Variants in GRIA3 observed in about 807,000 individuals in gnomAD.
GRIA3 encodes the protein glutamate ionotropic receptor AMPA type subunit 3.
A neutral mutation model predicts 63.0 loss-of-function variants in GRIA3; 3 were observed. The observed-to-expected ratio is 0.05, with a 90% CI of 0.02 to 0.12. The LOEUF is 0.12. Ranked by LOEUF, GRIA3 falls within the 10% of genes least tolerant of loss-of-function variation. The probability of loss-of-function intolerance (pLI) is 1.00; values close to 1 mark genes in which losing one functional copy is unlikely to be tolerated. For missense variants in GRIA3, 347 were observed against 700.9 expected, an observed-to-expected ratio of 0.50 and a Z score of 5.70; for synonymous variants, 274 against 257.9, an observed-to-expected ratio of 1.06 and a Z score of -0.60.
chrX:123,341,209 A>G (rs2147342117), intron 4 of GRIA3, among the ~76,000 whole-genome samples: 1 of 111,978 alleles, frequency 8.9e-6, no homozygotes, highest in Admixed American at 9.5e-5. Context: ...ATCAGAATAC[A>G]ATTTCCTTTA....
At chrX:123,250,087 GTAATAATAAA>G (rs1349169707) in intron 2 of GRIA3, among the ~76,000 whole-genome samples, 1 of 111,189 alleles carries the variant, frequency 9.0e-6, no homozygotes, top group African/African-American at 3.3e-5. Context: ...TAAAACCAAG[GTAATAATAAA>G]TACAAATTTC....
chrX:123,346,953 G>C (rs2045053885), intron 4 of GRIA3, among the ~76,000 whole-genome samples: 1 of 111,938 alleles, frequency 8.9e-6, no homozygotes, highest in Admixed American at 9.4e-5. Flanking sequence ...TGGAAAACTG[G>C]CTCCCAGAGA....
At chrX:123,210,319 C>T (rs754384609) in intron 2 of GRIA3, among the ~76,000 whole-genome samples, 1 of 110,130 alleles carries the variant, frequency 9.1e-6, no homozygotes, top group Admixed American at 9.8e-5. Flanking sequence ...CAACATTTCT[C>T]TTTTGAGTTC....
At chrX:123,355,813 T>C (rs2045129001) in intron 5 of GRIA3, among the ~76,000 whole-genome samples, 1 of 112,293 alleles carries the variant, frequency 8.9e-6, no homozygotes, top group South Asian at 3.7e-4. Flanking sequence ...GTAATTATAT[T>C]CTTATATTTT....
chrX:123,471,341 C>G (rs984802693), intron 13 of GRIA3, among the ~76,000 whole-genome samples: 9 of 111,970 alleles, frequency 8.0e-5, no homozygotes, highest in African/African-American at 2.6e-4. Flanking sequence ...AAAGAAAACA[C>G]TTTTAAAAAA....
At chrX:123,248,830 T>A (rs1029580965) in intron 2 of GRIA3, among the ~76,000 whole-genome samples, 4 of 111,553 alleles carry the variant, frequency 3.6e-5, no homozygotes, top group African/African-American at 1.3e-4. Context: ...TGGGTGTGCT[T>A]CATTAAGGAT....
chrX:123,346,771 G>C (rs901676808), intron 4 of GRIA3, among the ~76,000 whole-genome samples: 2 of 111,970 alleles, frequency 1.8e-5, no homozygotes, highest in Admixed American at 9.5e-5. Context: ...CCAGGCTAAG[G>C]ACCAGGTTAC....
chrX:123,421,760 T>G (rs1014546173), intron 11 of GRIA3, among the ~76,000 whole-genome samples: 2 of 111,804 alleles, frequency 1.8e-5, no homozygotes, highest in Non-Finnish European at 3.8e-5. Context: ...CATTATCAGG[T>G]GGATTTTAAT....
intron 10 of GRIA3, among the ~76,000 whole-genome samples, chrX:123,405,833 G>A (rs1389713863): frequency 8.9e-6 from 1 of 111,779 alleles, no homozygotes; most frequent in Non-Finnish European, 1.9e-5. Flanking sequence ...AGTCTGTATT[G>A]TAATGATCCA....
intron 2 of GRIA3, among the ~76,000 whole-genome samples, chrX:123,210,147 TAA>T (rs539275485): frequency 1.0e-5 from 1 of 95,866 alleles, no homozygotes. Context: ...AGCTCCATAT[TAA>T]AAAAAAAAAA....
At chrX:123,288,885 G>T (rs774065964) in intron 3 of GRIA3, among the ~76,000 whole-genome samples, 3 of 111,946 alleles carry the variant, frequency 2.7e-5, no homozygotes, top group Non-Finnish European at 5.6e-5. Context: ...TCTAGAACCA[G>T]AAATACCATT....
At chrX:123,448,227 G>C (rs1278504213) in intron 12 of GRIA3, among the ~76,000 whole-genome samples, 1 of 112,337 alleles carries the variant, frequency 8.9e-6, no homozygotes, top group African/African-American at 3.2e-5. Flanking sequence ...AAAGGAAACA[G>C]TTTCTGCACG....
At chrX:123,386,346 T>A (rs2045354100) in intron 5 of GRIA3, among the ~76,000 whole-genome samples, 1 of 112,011 alleles carries the variant, frequency 8.9e-6, no homozygotes, top group Non-Finnish European at 1.9e-5. Context: ...CCTTGTATAT[T>A]CTGGATATTA....
At chrX:123,424,509 G>A (rs1033443921) in intron 11 of GRIA3, among the ~76,000 whole-genome samples, 2 of 111,700 alleles carry the variant, frequency 1.8e-5, no homozygotes, top group Middle Eastern at 4.2e-3. Flanking sequence ...ATGCAAGCTT[G>A]TGCATTCCAC....
intron 11 of GRIA3, among the ~76,000 whole-genome samples, chrX:123,422,210 A>G (rs2045567333): frequency 8.9e-6 from 1 of 112,332 alleles, no homozygotes; most frequent in Non-Finnish European, 1.9e-5. Flanking sequence ...GTGTATGCTC[A>G]AAGTAAGAGA....
chrX:123,457,994 A>C (rs1313891283), intron 12 of GRIA3, among the ~76,000 whole-genome samples: 1 of 111,611 alleles, frequency 9.0e-6, no homozygotes, highest in Non-Finnish European at 1.9e-5. Flanking sequence ...TGTGTCATAA[A>C]AGTAACAAAT....
At chrX:123,463,615 A>AGGAAG (rs2045809913) in intron 12 of GRIA3, among the ~76,000 whole-genome samples, 2 of 11,433 alleles carry the variant, frequency 1.7e-4, no homozygotes. Flanking sequence ...AGGGAGGGAA[A>AGGAAG]GAAAGAAAGA....
chrX:123,382,250 C>CA (rs1257031310), intron 5 of GRIA3, among the ~76,000 whole-genome samples: 1 of 111,017 alleles, frequency 9.0e-6, no homozygotes, highest in Admixed American at 9.6e-5. Context: ...GCTTTCTGTC[C>CA]ATATGGCCTG....
intron 3 of GRIA3, among the ~76,000 whole-genome samples, chrX:123,279,882 C>T (rs901734727): frequency 9.0e-6 from 1 of 111,210 alleles, no homozygotes; most frequent in Non-Finnish European, 1.9e-5. Flanking sequence ...CCTAAATTAC[C>T]AAAGAAAGAC....
Sources: allele counts gnomAD v4.1 joint callset (sites outside exome capture counted in the v4.1 genomes callset), GRCh38; gene constraint gnomAD v4.1.1; transcripts MANE v1.5; gene names NCBI Gene and HGNC (gene_info 2026-07-23, HGNC 2026-07-21).